The following VPS4B variants were observed in gnomAD, a reference collection of about 807,000 sequenced individuals.
VPS4B encodes vacuolar protein sorting-associated protein 4B.
In VPS4B, 23 loss-of-function variants were observed where a neutral mutation model predicts 56.1. That is an observed-to-expected ratio of 0.41 (90% CI 0.30 to 0.58). The LOEUF (loss-of-function observed/expected upper bound fraction) is 0.58, where lower values mean the gene tolerates loss of function less well. Among genes scored for constraint, VPS4B ranks in the 20% least tolerant of loss-of-function variants. The probability of loss-of-function intolerance (pLI) is 0.29; values close to 1 mark genes in which losing one functional copy is unlikely to be tolerated. For synonymous variants in VPS4B, 177 were observed against 186.0 expected, an observed-to-expected ratio of 0.95 and a Z score of 0.39; for missense variants, 372 against 531.9, an observed-to-expected ratio of 0.70 and a Z score of 2.96.
At chr18:63,403,059 T>G (rs1343332116) in intron 5 of VPS4B, among the ~76,000 whole-genome samples, 1 of 152,228 alleles carries the variant, frequency 6.6e-6, no homozygotes, top group Non-Finnish European at 1.5e-5. Context: ...GAACTAGAAC[T>G]TGTAAGTTTC....
intron 1 of VPS4B, among the ~76,000 whole-genome samples, chr18:63,418,599 C>T (rs539160593): frequency 3.3e-4 from 50 of 152,144 alleles, no homozygotes; most frequent in African/African-American, 1.1e-3. Flanking sequence ...GGGGTTTTCA[C>T]CATGTTGCCC....
intron 1 of VPS4B, among the ~76,000 whole-genome samples, chr18:63,414,474 G>A (rs565626545): frequency 5.3e-5 from 8 of 151,982 alleles, no homozygotes; most frequent in East Asian, 3.9e-4. Flanking sequence ...CACTCTTGTC[G>A]CCCAGACTGG....
chr18:63,418,176 G>A (rs904249960), intron 1 of VPS4B, among the ~76,000 whole-genome samples: 2 of 151,966 alleles, frequency 1.3e-5, no homozygotes. Flanking sequence ...CAGCTCCTCG[G>A]TTCTCCTCTC....
intron 5 of VPS4B, among the ~76,000 whole-genome samples, chr18:63,402,570 T>A (rs1318961186): frequency 6.6e-6 from 1 of 152,150 alleles, no homozygotes; most frequent in Non-Finnish European, 1.5e-5. Context: ...AGTAAAAATG[T>A]TGTTCTAAAA....
chr18:63,412,015 A>C (rs889652404), intron 1 of VPS4B, among the ~76,000 whole-genome samples: 2 of 152,236 alleles, frequency 1.3e-5, no homozygotes, highest in African/African-American at 4.8e-5. Flanking sequence ...AATGGGGTGA[A>C]ACCTCTTCAG....
At position 63,400,172 on chromosome 18, in the gene VPS4B, A is replaced by G; in HGVS notation, c.666T>C (p.Leu222=). ...SEKLVKNLFQ[L]ARENKPSIIF... ...TAATGGAGGGCTTGTTCTCTCTGGC[A>G]AGTTGGAATAAATTCTTAACCAGTC... The change falls in exon 7 of 11, where the codon CTT becomes CTC. Residue 222 remains leucine (L), a synonymous_variant. Transcript: ENST00000238497. 1 of 1,608,290 alleles carries G rather than the reference A, an allele frequency of 6.2e-7. No homozygotes were observed.
rs1166762346 is a variant in VPS4B, at chr18:63,400,625, G to A, written c.563C>T (p.Ala188Val). The change falls in exon 6 of 11, where the codon GCA (alanine) becomes GTA (valine). Residue 188 changes from alanine to valine, a missense_variant. Physicochemically the swap from Ala to Val is moderately conservative, Grantham distance 64 (BLOSUM62 0). Coordinates refer to ENST00000238497, the MANE Select transcript of VPS4B (RefSeq NM_004869.4). Reference protein sequence around the residue: ...TGKSYLAKAVATEANNSTFFS... With the variant: ...TGKSYLAKAVVTEANNSTFFS... ...AAATGTTGAGTTGTTGGCTTCTGTT[G>A]CTACAGCTTTGGCTAAGTAGGACTT... 6 of 1,611,706 alleles carry A rather than the reference G, an allele frequency of 3.7e-6. No homozygotes were observed. The highest frequency in any genetic ancestry group is 4.2e-6 in the Non-Finnish European group (5 of 1,179,546).
chr18:63,393,153 G>A (rs1448077233), intron 10 of VPS4B, among the ~76,000 whole-genome samples: 4 of 152,232 alleles, frequency 2.6e-5, no homozygotes, highest in Admixed American at 2.6e-4. Flanking sequence ...CTAGCTATAA[G>A]ACCTGTAAAG....
rs35437748 is a variant in VPS4B, at chr18:63,400,585, G to A, written c.603C>T (p.Ser201=). 3,021 of 1,609,874 alleles carry A rather than the reference G, an allele frequency of 1.9e-3. 47 individuals carry two copies. In the African/African-American group the frequency reaches 0.036, roughly 19 times the overall value. The change falls in exon 6 of 11, where the codon TCC becomes TCT. Residue 201 remains serine, a synonymous_variant. Transcript: ENST00000238497. ...ANNSTFFSIS[S]SDLVSKWLGE... ...CTAGCCACTTAGAAACAAGATCAGA[G>A]GAAGATATTGAAAAAAATGTTGAGT...
chr18:63,390,027 A>G lies in VPS4B; in HGVS notation c.*948T>C, dbSNP rs1000305838. 1 of 152,628 alleles carries G rather than the reference A, an allele frequency of 6.6e-6. No individual in the cohort carries two copies. The highest frequency in any genetic ancestry group is 2.4e-5 in the African/African-American group (1 of 41,454). The allele number at this position is 152,628 out of a possible 1,614,324, so 9.5% of individuals were successfully genotyped here. A position where few individuals can be genotyped will look rare whatever the true frequency, so the allele number is the denominator to read the frequency against. On this transcript the variant is annotated 3_prime_UTR_variant, in exon 11 of 11. Transcript: ENST00000238497. ...CACAGTGAAAGGTATCAGTTAATTA[A>G]ATATAAAAGCTTACCGTTTTTGTTT...
At chr18:63,399,935 C>T in intron 7 of VPS4B, 113 bp downstream of exon 7, 2 of 954,332 alleles carry the variant, frequency 2.1e-6, no homozygotes, top group Non-Finnish European at 2.9e-6. Flanking sequence ...ATGAGAATTG[C>T]TTGAACCTGG....
intron 5 of VPS4B, among the ~76,000 whole-genome samples, chr18:63,403,439 ACT>A (rs1397986115): frequency 3.9e-5 from 6 of 152,138 alleles, no homozygotes. Context: ...GTAGATGTAC[ACT>A]CTATTTTACT....
rs555720657 is a variant in VPS4B at position 63,397,733 on chromosome 18, C to T, written c.873-480G>A. ...AATCCTATATTATAAAGAATAAACACTATGTTTCATTAACAATAATTTTGC... is the reference window on the plus strand; with the variant it reads ...AATCCTATATTATAAAGAATAAACATTATGTTTCATTAACAATAATTTTGC... On this transcript the variant is annotated intron_variant, in intron 8 of 10. Coordinates refer to ENST00000238497, the MANE Select transcript of VPS4B (RefSeq NM_004869.4). Among the ~76,000 whole-genome samples the T allele has an allele frequency of 2.6e-5, 4 of 152,264 alleles. 1 individual carries two copies. The highest frequency in any genetic ancestry group is 9.6e-5 in the African/African-American group (4 of 41,534).
chr18:63,410,201 T>C lies in VPS4B; in HGVS notation c.296+89A>G, dbSNP rs1239280930. 16 of 1,538,286 alleles carry C rather than the reference T, an allele frequency of 1.0e-5. No homozygotes were observed. In the East Asian group the frequency reaches 3.1e-4, roughly 30 times the overall value. On this transcript the variant is annotated intron_variant, in intron 3 of 10. Coordinates refer to ENST00000238497, the MANE Select transcript of VPS4B (RefSeq NM_004869.4). The stretch of plus-strand genomic sequence containing the variant: ...CTGGGCAGCTTTGGCCCATGAGCCA[T>C]AGTTTGCTGACACCTGTTTTAATCA...
At position 63,407,393 on chromosome 18, in the gene VPS4B, T is replaced by C. The variant is rs1915941534; in HGVS notation, c.364+39A>G. 5.3e-6 allele frequency: 8 copies of C among 1,503,030 alleles called. No homozygotes were observed. In the East Asian group the frequency reaches 1.8e-4, roughly 35 times the overall value. 93.1% of individuals were successfully genotyped at this position (1,503,030 alleles called of 1,614,324 possible). On this transcript the variant is annotated intron_variant, in intron 4 of 10. Coordinates refer to ENST00000238497, the MANE Select transcript of VPS4B (RefSeq NM_004869.4). Reference sequence around the variant, plus strand: ...ATAGACAATTCACTTTGAGTCTTTTTAATAGGATAGTAAATTTAAAAATGA... The same window carrying C: ...ATAGACAATTCACTTTGAGTCTTTTCAATAGGATAGTAAATTTAAAAATGA...
intron 1 of VPS4B, among the ~76,000 whole-genome samples, chr18:63,413,990 C>T (rs577741987): frequency 1.3e-5 from 2 of 152,256 alleles, no homozygotes; most frequent in South Asian, 2.1e-4. Flanking sequence ...AGTATATGAA[C>T]ATAAAACATG....
intron 8 of VPS4B, among the ~76,000 whole-genome samples, chr18:63,398,076 G>T (rs1414020744): frequency 6.6e-6 from 1 of 151,968 alleles, no homozygotes; most frequent in Non-Finnish European, 1.5e-5. Context: ...TGTGAAGAGT[G>T]AAAAGTGAAG....
chr18:63,407,435 G>T lies in VPS4B; in HGVS notation c.361C>A (p.Gln121Lys). ...PEKKKLQNQL[Q>K]GAIVIERPNV... is the part of the protein sequence containing the mutation. ...TAAAAATGAAATCTAAAGCAACCTT[G>T]AAGTTGATTCTGTAGTTTCTTTTTT... The change falls in exon 4 of 11, where the codon CAA (glutamine) becomes AAA (lysine). Residue 121 changes from glutamine to lysine, a missense_variant. Physicochemically the swap from Gln to Lys is moderately conservative, Grantham distance 53. Transcript: ENST00000238497. 2 of 1,606,988 alleles carry T rather than the reference G, an allele frequency of 1.2e-6. No individual in the cohort carries two copies. Among genetic ancestry groups the T allele is most frequent in the Non-Finnish European group, 1.7e-6 (2 of 1,177,248 alleles).
rs78702749 is a variant in VPS4B at position 63,416,316 on chromosome 18, G to C, written c.28-4738C>G. 5.1e-4 allele frequency: 93 copies of C among 182,210 alleles called. 1 individual carries two copies. In the East Asian group the frequency reaches 0.011, roughly 21 times the overall value. 11.3% of individuals were successfully genotyped at this position (182,210 alleles called of 1,614,324 possible). ...TGCAATAGGTGAACTTTTGCATTGAGTTCATTCATTTATGCCTGCAGCCTC... is the reference window on the plus strand; with the variant it reads ...TGCAATAGGTGAACTTTTGCATTGACTTCATTCATTTATGCCTGCAGCCTC... On this transcript the variant is annotated intron_variant, in intron 1 of 10. Transcript: ENST00000238497.
Sources: gnomAD v4.1 joint callset for allele counts (sites outside exome capture counted in the v4.1 genomes callset) on GRCh38, gnomAD v4.1.1 for gene constraint, MANE v1.5 for transcripts, NCBI Gene and HGNC (gene_info 2026-07-23, HGNC 2026-07-21) for gene names.